LNX1: variants seen among roughly 807,000 people sequenced by gnomAD.
LNX1 encodes the protein ligand of numb-protein X 1.
Under a neutral mutation model 68.4 loss-of-function variants are expected in LNX1, and 54 were observed. The observed-to-expected ratio is 0.79, with a 90% CI of 0.63 to 0.99. The LOEUF is 0.99. LNX1 is among the 50% of genes least tolerant of loss of function. LNX1 has a pLI of 0.00. For synonymous variants in LNX1, 336 were observed against 350.0 expected (o/e 0.96, Z 0.45); for missense variants, 906 against 926.4 (o/e 0.98, Z 0.29).
At chr4:53,516,116 C>G (rs529778579) in intron 2 of LNX1, among the ~76,000 whole-genome samples, 21 of 152,200 alleles carry the variant, frequency 1.4e-4, no homozygotes, top group African/African-American at 4.8e-4. Context: ...ATGGTGCATG[C>G]TTGTAGTGTC....
chr4:53,515,544 G>T (rs1425768941), intron 2 of LNX1, among the ~76,000 whole-genome samples: 1 of 151,230 alleles, frequency 6.6e-6, no homozygotes, highest in Non-Finnish European at 1.5e-5. Context: ...CAAGAAGACC[G>T]ACTTAAGAAA....
In LNX1 at chr4:53,476,931, T is replaced by C. The variant is rs1027359847; in HGVS notation, c.1714A>G (p.Ser572Gly). Residue 572 changes from serine to glycine, a missense_variant, in exon 9 of 11, where the codon AGT (serine) becomes GGT (glycine). Physicochemically the swap from Ser to Gly is moderately conservative, Grantham distance 56. Coordinates refer to ENST00000263925, the MANE Select transcript of LNX1 (RefSeq NM_001126328.3). ...DGVELTEVSRSEAVALLKRTS... is the reference protein window; with the variant it reads ...DGVELTEVSRGEAVALLKRTS... Reference sequence around the variant, plus strand: ...CTTTTCAATAATGCCACTGCCTCACTCCGGCTGACCTCTGTCAGTTCGACC... The same window carrying C: ...CTTTTCAATAATGCCACTGCCTCACCCCGGCTGACCTCTGTCAGTTCGACC... 1 of 1,614,074 alleles carries C rather than the reference T, an allele frequency of 6.2e-7. No individual in the cohort carries two copies. Among genetic ancestry groups the C allele is most frequent in the African/African-American group, 1.3e-5 (1 of 74,912 alleles).
rs570021028 is a variant in LNX1 at position 53,460,287 on chromosome 4, A to AGTTGTTT, written c.*619_*620insAAACAAC. 1.6e-5 allele frequency: 3 copies of AGTTGTTT among 190,822 alleles called. No homozygotes were observed. The highest frequency in any genetic ancestry group is 3.9e-4 in the South Asian group (2 of 5,160). The allele number at this position is 190,822 out of a possible 1,614,324, so 11.8% of individuals were successfully genotyped here. ...GCCATTTCTTACTAAAAACAAAACA[A>AGTTGTTT]GTTTATAATTAATTCTCTGAGCGAG... On this transcript the variant is annotated 3_prime_UTR_variant, in exon 11 of 11. Coordinates refer to ENST00000263925, the MANE Select transcript of LNX1 (RefSeq NM_001126328.3).
intron 6 of LNX1, among the ~76,000 whole-genome samples, chr4:53,491,236 T>C (rs910834143): frequency 3.3e-5 from 5 of 150,926 alleles, no homozygotes; most frequent in African/African-American, 4.9e-5. Context: ...CATGAAAAAG[T>C]ACTGGTGGTC....
At chr4:53,506,620 C>T (rs1157190663) in intron 4 of LNX1, among the ~76,000 whole-genome samples, 3 of 151,782 alleles carry the variant, frequency 2.0e-5, no homozygotes, top group Non-Finnish European at 1.5e-5. Context: ...TTTGAGAGGC[C>T]GAGGTGGGTG....
intron 2 of LNX1, among the ~76,000 whole-genome samples, chr4:53,547,329 G>A (rs1729179875): frequency 1.3e-5 from 2 of 152,140 alleles, no homozygotes; most frequent in South Asian, 2.1e-4. Context: ...TATGTACCAG[G>A]CACTATATTA....
intron 2 of LNX1, among the ~76,000 whole-genome samples, chr4:53,603,157 G>T (rs1315655996): frequency 6.6e-6 from 1 of 152,214 alleles, no homozygotes; most frequent in Non-Finnish European, 1.5e-5. Flanking sequence ...TATTAAGGCA[G>T]CAAATAAATC....
At chr4:53,522,662 C>G (rs1727316291) in intron 2 of LNX1, among the ~76,000 whole-genome samples, 2 of 152,154 alleles carry the variant, frequency 1.3e-5, no homozygotes, top group African/African-American at 4.8e-5. Flanking sequence ...TACTTCTTTA[C>G]TTTTATTAGG....
chr4:53,468,114 G>T (rs892298707), intron 9 of LNX1, among the ~76,000 whole-genome samples: 2 of 152,146 alleles, frequency 1.3e-5, no homozygotes, highest in African/African-American at 4.8e-5. Flanking sequence ...ACCCACAAAG[G>T]GAAGCCCATC....
At chr4:53,534,826 T>C (rs1728257480) in intron 2 of LNX1, among the ~76,000 whole-genome samples, 2 of 152,210 alleles carry the variant, frequency 1.3e-5, no homozygotes, top group African/African-American at 4.8e-5. Flanking sequence ...GCCATATACA[T>C]TGTCCAGACT....
At chr4:53,546,829 C>CG (rs1729148165) in intron 2 of LNX1, among the ~76,000 whole-genome samples, 1 of 152,086 alleles carries the variant, frequency 6.6e-6, no homozygotes, top group Admixed American at 6.5e-5. Flanking sequence ...GGGAGGGAGT[C>CG]GGGGGCAGAG....
intron 1 of LNX1, among the ~76,000 whole-genome samples, chr4:53,646,200 A>G (rs1295326490): frequency 2.6e-5 from 4 of 151,982 alleles, no homozygotes; most frequent in African/African-American, 9.7e-5. Flanking sequence ...TCTTGTTTAT[A>G]TTTCCCATGA....
At chr4:53,483,382 T>C (rs1363709405) in intron 6 of LNX1, among the ~76,000 whole-genome samples, 2 of 152,182 alleles carry the variant, frequency 1.3e-5, no homozygotes, top group Admixed American at 6.5e-5. Flanking sequence ...AATGATACAT[T>C]TACAAATTGT....
chr4:53,622,718 C>T (rs1280316921), intron 1 of LNX1, among the ~76,000 whole-genome samples: 2 of 152,092 alleles, frequency 1.3e-5, no homozygotes, highest in Non-Finnish European at 2.9e-5. Flanking sequence ...AACAAGATAG[C>T]CCTAACACAG....
intron 2 of LNX1, among the ~76,000 whole-genome samples, chr4:53,571,318 G>A (rs147375914): frequency 1.1e-3 from 161 of 150,444 alleles, no homozygotes; most frequent in African/African-American, 3.6e-3. Context: ...CATGCCCCGC[G>A]TAAATTAAGA....
At chr4:53,503,909 G>A (rs1448544192) in intron 4 of LNX1, among the ~76,000 whole-genome samples, 8 of 152,166 alleles carry the variant, frequency 5.3e-5, no homozygotes, top group Non-Finnish European at 8.8e-5. Flanking sequence ...CGAGGCAGGC[G>A]GATGACCTGC....
chr4:53,534,160 G>A (rs944315608), intron 2 of LNX1, among the ~76,000 whole-genome samples: 15 of 152,324 alleles, frequency 9.8e-5, no homozygotes, highest in Non-Finnish European at 2.1e-4. Context: ...TGGAGAAGGG[G>A]GCAGGGCAGG....
intron 4 of LNX1, among the ~76,000 whole-genome samples, chr4:53,504,903 G>A (rs910298179): frequency 1.3e-5 from 2 of 152,150 alleles, no homozygotes; most frequent in Non-Finnish European, 2.9e-5. Flanking sequence ...AATTACAATA[G>A]TAACGCCAAA....
In LNX1 at chr4:53,576,082, G is replaced by A. The variant is rs929341796; in HGVS notation, c.-86-1994C>T. The A allele has an allele frequency of 5.5e-5, 86 of 1,553,148 alleles. No individual in the cohort carries two copies. The African/African-American group carries it at 7.9e-4, about 14-fold the overall frequency. On this transcript the variant is annotated intron_variant, in intron 1 of 10. Coordinates refer to ENST00000263925, the MANE Select transcript of LNX1 (RefSeq NM_001126328.3). Reference sequence around the variant, plus strand: ...ACTCTGCATCCCCCAAGACCTGGTCGGGGACTTGGCCAGCGTGGTATTTGG... The same window carrying A: ...ACTCTGCATCCCCCAAGACCTGGTCAGGGACTTGGCCAGCGTGGTATTTGG...
Sources: gnomAD v4.1 joint callset for allele counts (sites outside exome capture counted in the v4.1 genomes callset) on GRCh38, gnomAD v4.1.1 for gene constraint, MANE v1.5 for transcripts, NCBI Gene and HGNC (gene_info 2026-07-23, HGNC 2026-07-21) for gene names.